DHRS4L2: variants seen among roughly 807,000 people sequenced by gnomAD.
DHRS4L2 encodes the protein dehydrogenase/reductase 4 like 2, also known as dehydrogenase/reductase SDR family member 4-like 2.
DHRS4L2 carries 22 observed loss-of-function variants against 23.9 expected under a neutral mutation model. That is an observed-to-expected ratio of 0.92 (90% CI 0.66 to 1.31). DHRS4L2 has a LOEUF of 1.31. Among genes scored for constraint, DHRS4L2 ranks in the 40% most tolerant of loss-of-function variants. The pLI, the probability that DHRS4L2 is intolerant of heterozygous loss-of-function variation, is 0.00. For missense variants in DHRS4L2, 385 were observed against 303.3 expected (o/e 1.27, Z -2.00); for synonymous variants, 141 against 123.7 (o/e 1.14, Z -0.93).
Position 23,993,947 on chromosome 14 carries a change from C to T in DHRS4L2, c.307-1085C>T, listed in dbSNP as rs888874550. 2.0e-4 allele frequency among the ~76,000 whole-genome samples: 31 copies of T among 151,554 alleles called. 2 individuals carry two copies. Among genetic ancestry groups the T allele is most frequent in the Non-Finnish European group, 2.2e-4 (15 of 67,892 alleles). ...TCTTCCACTACTGACTAGCTTTGTG[C>T]CCTGAAAAAATCACTTCACCCCTCC... is the stretch of plus-strand genomic sequence containing the variant. On this transcript the variant is annotated intron_variant, in intron 2 of 7. Transcript: ENST00000335125.
intron 3 of DHRS4L2, among the ~76,000 whole-genome samples, chr14:23,998,150 A>C (rs2034419442): frequency 6.6e-6 from 1 of 151,974 alleles, no homozygotes. Context: ...TCTTTTTCTG[A>C]GCAGTAGCCA....
chr14:23,991,852 C>T (rs1349329252), intron 2 of DHRS4L2, among the ~76,000 whole-genome samples: 1 of 151,114 alleles, frequency 6.6e-6, no homozygotes, highest in Non-Finnish European at 1.5e-5. Context: ...TCTCATGCCT[C>T]AGCCTCCCGA....
At chr14:23,991,586 G>T (rs1357089089) in intron 2 of DHRS4L2, among the ~76,000 whole-genome samples, 2 of 151,670 alleles carry the variant, frequency 1.3e-5, no homozygotes, top group Non-Finnish European at 2.9e-5. Context: ...TAGTGACGAG[G>T]TTCCAGATAA....
At chr14:23,973,315 C>G (rs551003606) in intron 1 of DHRS4L2, among the ~76,000 whole-genome samples, 3 of 151,998 alleles carry the variant, frequency 2.0e-5, no homozygotes, top group East Asian at 1.9e-4. Context: ...ACCCAGAACT[C>G]GTGCTGGCCT....
At chr14:24,005,629 G>A (rs2138567857) in intron 7 of DHRS4L2, among the ~76,000 whole-genome samples, 1 of 152,034 alleles carries the variant, frequency 6.6e-6, no homozygotes, top group Admixed American at 6.5e-5. Flanking sequence ...TTGGTGTCCT[G>A]AGCTCTCTAA....
At chr14:23,993,258 G>C (rs2034305224) in intron 2 of DHRS4L2, among the ~76,000 whole-genome samples, 1 of 151,594 alleles carries the variant, frequency 6.6e-6, no homozygotes, top group African/African-American at 2.4e-5. Context: ...CTTTGTGCCA[G>C]GATGCCAAAA....
At chr14:23,974,710 A>T (rs1308286328) in intron 1 of DHRS4L2, among the ~76,000 whole-genome samples, 2 of 151,874 alleles carry the variant, frequency 1.3e-5, no homozygotes, top group Non-Finnish European at 2.9e-5. Context: ...ACGAAGTTGA[A>T]TTGCTGAATA....
At chr14:24,001,219 G>A in intron 5 of DHRS4L2, 135 bp downstream of exon 5, 3 of 1,580,794 alleles carry the variant, frequency 1.9e-6, no homozygotes, top group Non-Finnish European at 2.6e-6. Flanking sequence ...TAGATGCCTT[G>A]CCTCCACAAA....
chr14:23,990,135 C>T, intron 1 of DHRS4L2, 47 bp from the exon 2 acceptor site: 3 of 1,602,680 alleles, frequency 1.9e-6, no homozygotes, highest in Non-Finnish European at 2.6e-6. Context: ...CTGTCGACCT[C>T]TTCCCCTGCA....
intron 1 of DHRS4L2, among the ~76,000 whole-genome samples, chr14:23,981,286 G>C (rs1289371924): frequency 2.6e-5 from 4 of 151,568 alleles, no homozygotes; most frequent in Non-Finnish European, 5.9e-5. Context: ...ACAAACCACT[G>C]CTCAAGGAAA....
intron 3 of DHRS4L2, among the ~76,000 whole-genome samples, chr14:23,999,408 A>G (rs190696833): frequency 6.7e-6 from 1 of 149,166 alleles, no homozygotes; most frequent in African/African-American, 2.4e-5. Context: ...ATATGTGTCT[A>G]TAACTTTTCT....
chr14:24,001,289 G>A, intron 5 of DHRS4L2, 95 bp from the exon 6 acceptor site: 2 of 1,569,290 alleles, frequency 1.3e-6, no homozygotes, highest in Non-Finnish European at 1.7e-6. Context: ...CTCCCTTACA[G>A]GAGATCCCTA....
At chr14:23,995,762 T>G (rs545385614) in intron 3 of DHRS4L2, among the ~76,000 whole-genome samples, 66 of 151,958 alleles carry the variant, frequency 4.3e-4, no homozygotes, top group African/African-American at 1.6e-3. Flanking sequence ...ACACACACCC[T>G]TTAATTACAA....
chr14:23,977,224 G>C (rs1372731036), intron 1 of DHRS4L2, among the ~76,000 whole-genome samples: 2 of 151,680 alleles, frequency 1.3e-5, no homozygotes, highest in Non-Finnish European at 2.9e-5. Flanking sequence ...TTCTTTTCTG[G>C]GTTCTTTTTT....
At chr14:23,987,379 T>A (rs1294349442), upstream of DHRS4L2, 15 of 198,800 alleles carry the variant, frequency 7.5e-5, no homozygotes, top group Admixed American at 6.2e-5. Context: ...TCCGCCCGCC[T>A]CGGCCTCCCA....
intron 1 of DHRS4L2, among the ~76,000 whole-genome samples, chr14:23,972,171 A>C (rs2138501176): frequency 6.6e-6 from 1 of 152,168 alleles, no homozygotes; most frequent in Middle Eastern, 3.4e-3. Flanking sequence ...TCAAGAATGA[A>C]GCTGCGGACC....
At chr14:23,991,831 G>A (rs1455450462) in intron 2 of DHRS4L2, among the ~76,000 whole-genome samples, 2 of 151,108 alleles carry the variant, frequency 1.3e-5, no homozygotes, top group Non-Finnish European at 3.0e-5. Context: ...ACGCCTCCAG[G>A]TTCAAGCAAT....
Position 24,005,983 on chromosome 14 carries a change from A to AC in DHRS4L2, c.*124dup, listed in dbSNP as rs1171451740. 1 of 1,605,712 alleles carries AC rather than the reference A, an allele frequency of 6.2e-7. No homozygotes were observed. The highest frequency in any genetic ancestry group is 8.5e-7 in the Non-Finnish European group (1 of 1,176,258). Reference sequence around the variant, plus strand: ...GGAAACAGTGGTGGTGGGTGGAGGAACCCCGTCCCGCCTCTGAGGACCGGG... The same window carrying AC: ...GGAAACAGTGGTGGTGGGTGGAGGAACCCCCGTCCCGCCTCTGAGGACCGGG... On this transcript the variant is annotated 3_prime_UTR_variant, in exon 8 of 8. Transcript: ENST00000335125.
intron 3 of DHRS4L2, among the ~76,000 whole-genome samples, chr14:23,998,075 C>T (rs1287190445): frequency 2.0e-5 from 3 of 151,912 alleles, no homozygotes; most frequent in Non-Finnish European, 4.4e-5. Context: ...TCTCCTTGTA[C>T]ATCTCCATCA....
Sources: allele counts gnomAD v4.1 joint callset (sites outside exome capture counted in the v4.1 genomes callset), GRCh38; gene constraint gnomAD v4.1.1; transcripts MANE v1.5; gene names NCBI Gene and HGNC (gene_info 2026-07-23, HGNC 2026-07-21).